The following CFAP91 variants were observed in gnomAD, a reference collection of about 807,000 sequenced individuals.
CFAP91 encodes the protein cilia and flagella associated protein 91, also known as cilia- and flagella-associated protein 91.
CFAP91 carries 85 observed loss-of-function variants against 95.9 expected under a neutral mutation model. The observed-to-expected ratio is 0.89, with a 90% CI of 0.74 to 1.06. The LOEUF is 1.06. CFAP91 is among the 50% of genes least tolerant of loss of function. The probability of loss-of-function intolerance (pLI) is 0.00; values close to 1 mark genes in which losing one functional copy is unlikely to be tolerated. For missense variants in CFAP91, 962 were observed against 943.4 expected, an observed-to-expected ratio of 1.02 and a Z score of -0.26; for synonymous variants, 335 against 327.5, an observed-to-expected ratio of 1.02 and a Z score of -0.25.
intron 10 of CFAP91, among the ~76,000 whole-genome samples, chr3:119,735,180 A>C (rs1026884605): frequency 7.9e-5 from 12 of 151,814 alleles, no homozygotes; most frequent in African/African-American, 2.9e-4. Flanking sequence ...TTATTTTCTT[A>C]GTATTTATGT....
chr3:119,750,375 G>A (rs1010144408), intron 16 of CFAP91: 2 of 155,386 alleles, frequency 1.3e-5, no homozygotes, highest in African/African-American at 4.8e-5. Context: ...TCCTTTCCAA[G>A]GGCTTAGGTG....
chr3:119,763,078 G>A (rs1433839322), intron 17 of CFAP91, among the ~76,000 whole-genome samples: 3 of 151,988 alleles, frequency 2.0e-5, no homozygotes, highest in African/African-American at 7.2e-5. Context: ...TCTGGTAAGA[G>A]GTTAATATTC....
rs191015951 is a variant in CFAP91, at chr3:119,753,140, T to G, written c.*1+2042T>G. ...CCAAGATCTAGGAGAAGATAGAAAT[T>G]TAGAGGGTTGGGTCTGGCATTTGGA... On this transcript the variant is annotated intron_variant, in intron 17 of 17. Transcript: ENST00000273390. 7.2e-4 allele frequency among the ~76,000 whole-genome samples: 109 copies of G among 152,158 alleles called. 2 individuals carry two copies. Among genetic ancestry groups the G allele is most frequent in the Middle Eastern group, 6.8e-3 (2 of 294 alleles).
At chr3:119,714,401 G>A (rs922791197) in intron 5 of CFAP91, among the ~76,000 whole-genome samples, 2 of 151,518 alleles carry the variant, frequency 1.3e-5, no homozygotes, top group Admixed American at 1.3e-4. Context: ...AAACGCTGGA[G>A]CAAAGCGTAT....
Position 119,741,741 on chromosome 3 carries a change from C to T in CFAP91, c.1680+1046C>T, listed in dbSNP as rs898902886. Among the ~76,000 whole-genome samples the T allele has an allele frequency of 5.3e-5, 8 of 152,216 alleles. 1 individual carries two copies. The highest frequency in any genetic ancestry group is 1.2e-4 in the Non-Finnish European group (8 of 68,048). On this transcript the variant is annotated intron_variant, in intron 13 of 17. Transcript: ENST00000273390. ...ATACTTAAAGTTAATATGACCCCCC[C>T]TTTAGCAACATACATAACTCTTGTG...
chr3:119,751,061 A>G lies in CFAP91; in HGVS notation c.2268A>G (p.Leu756=), dbSNP rs1229852682. ...ATGAGGCCTCAAATGCTGCCATGTT[A>G]CTTGAGAAAGAAACTCAAAATGAGA... ...EQDEASNAAM[L]LEKETQNENN... is the part of the protein sequence containing the mutation. The change falls in exon 17 of 18, where the codon TTA becomes TTG. Residue 756 remains leucine, a synonymous_variant. Coordinates refer to ENST00000273390, the MANE Select transcript of CFAP91 (RefSeq NM_033364.4). 1.2e-6 allele frequency: 2 copies of G among 1,609,556 alleles called. No homozygotes were observed. Among genetic ancestry groups the G allele is most frequent in the Admixed American group, 1.7e-5 (1 of 58,934 alleles).
chr3:119,740,614 A>C lies in CFAP91; in HGVS notation c.1599A>C (p.Gln533His), dbSNP rs373783041. The change falls in exon 13 of 18, where the codon CAA (glutamine) becomes CAC (histidine). Residue 533 changes from glutamine to histidine, a missense_variant. Coordinates refer to ENST00000273390, the MANE Select transcript of CFAP91 (RefSeq NM_033364.4). Reference sequence around the variant, plus strand: ...AGTTGCGCACCTGCCACGCACTACAAGAAGATGAAAAGCTGGTGAAAAAAG... The same window carrying C: ...AGTTGCGCACCTGCCACGCACTACACGAAGATGAAAAGCTGGTGAAAAAAG... Reference protein sequence around the residue: ...IQELRTCHALQEDEKLVKKAE... With the variant: ...IQELRTCHALHEDEKLVKKAE... 88 of 1,614,116 alleles carry C rather than the reference A, an allele frequency of 5.5e-5. No homozygotes were observed. The highest frequency in any genetic ancestry group is 4.9e-4 in the Middle Eastern group (3 of 6,084).
At chr3:119,718,173 A>G (rs1455432505) in intron 6 of CFAP91, among the ~76,000 whole-genome samples, 3 of 152,262 alleles carry the variant, frequency 2.0e-5, no homozygotes, top group Admixed American at 6.5e-5. Context: ...CTGAGTAAAC[A>G]GAAAATGGAG....
intron 6 of CFAP91, among the ~76,000 whole-genome samples, chr3:119,718,334 A>G (rs919459336): frequency 6.6e-6 from 1 of 152,246 alleles, no homozygotes; most frequent in Admixed American, 6.5e-5. Context: ...AGTGAACTCA[A>G]TAGTAGAATA....
chr3:119,741,508 G>A (rs930688308), intron 13 of CFAP91, among the ~76,000 whole-genome samples: 20 of 152,092 alleles, frequency 1.3e-4, no homozygotes, highest in African/African-American at 3.9e-4. Flanking sequence ...GCTGTGTGCC[G>A]CCTGACACAG....
intron 10 of CFAP91, among the ~76,000 whole-genome samples, chr3:119,734,706 A>G (rs117577805): frequency 1.1e-3 from 166 of 152,316 alleles, no homozygotes; most frequent in East Asian, 0.01. Flanking sequence ...TTGCTTCTAC[A>G]TTCATGAGTG....
At chr3:119,742,839 A>G (rs540472653) in intron 13 of CFAP91, among the ~76,000 whole-genome samples, 126 of 152,300 alleles carry the variant, frequency 8.3e-4, no homozygotes, top group African/African-American at 2.9e-3. Flanking sequence ...GCCTCTGAGA[A>G]CTGAGTATTC....
At chr3:119,756,385 T>C (rs1332109135) in intron 17 of CFAP91, among the ~76,000 whole-genome samples, 2 of 152,130 alleles carry the variant, frequency 1.3e-5, no homozygotes, top group African/African-American at 4.8e-5. Flanking sequence ...CGAAAGACAT[T>C]TTCAGACAAA....
chr3:119,737,335 A>T, intron 10 of CFAP91, 31 bp from the exon 11 acceptor site: 1 of 1,364,650 alleles, frequency 7.3e-7, no homozygotes. Flanking sequence ...TTTGTTAAAA[A>T]AAGAGATTAT....
chr3:119,710,018 G>C (rs2053444874), intron 5 of CFAP91, 123 bp downstream of exon 5: 2 of 734,382 alleles, frequency 2.7e-6, no homozygotes, highest in Non-Finnish European at 4.6e-6. Flanking sequence ...ACATTAGAAG[G>C]GTATGAAATC....
At chr3:119,716,826 G>A (rs757910087) in intron 6 of CFAP91, among the ~76,000 whole-genome samples, 1 of 152,032 alleles carries the variant, frequency 6.6e-6, no homozygotes, top group Non-Finnish European at 1.5e-5. Flanking sequence ...CCCTGACCTC[G>A]TGATCTGCCC....
intron 5 of CFAP91, among the ~76,000 whole-genome samples, chr3:119,711,439 C>T (rs1216386347): frequency 2.0e-5 from 3 of 152,216 alleles, no homozygotes; most frequent in African/African-American, 7.2e-5. Context: ...GAGGTCATAA[C>T]TGCCTCAGTC....
chr3:119,706,496 T>G, intron 1 of CFAP91: 1 of 243,444 alleles, frequency 4.1e-6, no homozygotes, highest in South Asian at 9.0e-5. Context: ...AAAAGGAGTT[T>G]TGTTCATAGG....
At chr3:119,761,129 A>G (rs771306671) in intron 17 of CFAP91, among the ~76,000 whole-genome samples, 5 of 151,742 alleles carry the variant, frequency 3.3e-5, no homozygotes, top group Non-Finnish European at 5.9e-5. Context: ...CTTTAACTAG[A>G]CTACTTAAGG....
Sources: gnomAD v4.1 joint callset for allele counts (sites outside exome capture counted in the v4.1 genomes callset) on GRCh38, gnomAD v4.1.1 for gene constraint, MANE v1.5 for transcripts, NCBI Gene and HGNC (gene_info 2026-07-23, HGNC 2026-07-21) for gene names.